Variants in SWT1 observed in about 807,000 individuals in gnomAD.
The protein encoded by SWT1 is transcriptional protein SWT1.
In SWT1, 33 loss-of-function variants were observed where a neutral mutation model predicts 107.3. That is an observed-to-expected ratio of 0.31 (90% CI 0.23 to 0.41). The LOEUF (loss-of-function observed/expected upper bound fraction) is 0.41. SWT1 is among the 10% of genes least tolerant of loss of function. The pLI is 1.00. For synonymous variants in SWT1, 345 were observed against 348.3 expected (o/e 0.99, Z 0.11); for missense variants, 898 against 1,028.9 (o/e 0.87, Z 1.74).
chr1:185,259,981 G>A (rs1662908175), intron 16 of SWT1, among the ~76,000 whole-genome samples: 1 of 152,152 alleles, frequency 6.6e-6, no homozygotes. Context: ...CTTAGGGTGG[G>A]TATTAATCTA....
intron 16 of SWT1, among the ~76,000 whole-genome samples, chr1:185,270,409 A>G (rs1481663636): frequency 6.6e-6 from 1 of 151,550 alleles, no homozygotes; most frequent in African/African-American, 2.4e-5. Flanking sequence ...TCTTCCCTTC[A>G]TTATTTTTAT....
intron 2 of SWT1, 24 bp from the exon 3 acceptor site, chr1:185,166,548 T>C: frequency 6.7e-7 from 1 of 1,494,580 alleles, no homozygotes; most frequent in African/African-American, 1.4e-5. Flanking sequence ...TTTTTAAAAT[T>C]CATTTTCTTT....
Position 185,184,254 on chromosome 1 carries a change from T to A in SWT1, c.1150T>A (p.Ser384Thr), listed in dbSNP as rs1411514704. The change falls in exon 8 of 19, where the codon TCA (serine) becomes ACA (threonine). Residue 384 changes from serine (S) to threonine (T), a missense_variant. By Grantham distance (58) the Ser-to-Thr change is moderately conservative (BLOSUM62 1). Around this residue, in one of 6 missense-constraint regions of SWT1, gnomAD observed 94 missense variants for 114.5 expected, o/e 0.82. Transcript: ENST00000367500. ...DVHSSSANNT[S>T]DRKLLIVIDT... ...CTCTTTTTCTTTAGCAAATAATACT[T>A]CAGACAGAAAGCTTCTAATTGTTAT... 1.3e-6 allele frequency: 2 copies of A among 1,534,564 alleles called. No homozygotes were observed. The highest frequency in any genetic ancestry group is 1.8e-6 in the Non-Finnish European group (2 of 1,124,854).
intron 10 of SWT1, among the ~76,000 whole-genome samples, chr1:185,192,637 T>C (rs956738403): frequency 1.5e-4 from 22 of 151,600 alleles, no homozygotes; most frequent in African/African-American, 5.3e-4. Flanking sequence ...AGAACACGTC[T>C]GTAACGCCTC....
intron 18 of SWT1, among the ~76,000 whole-genome samples, chr1:185,284,889 C>CTT (rs111492496): frequency 3.5e-5 from 5 of 142,064 alleles, no homozygotes; most frequent in African/African-American, 7.7e-5. Flanking sequence ...AGATAAGTGT[C>CTT]TTTTTTTTTT....
intron 2 of SWT1, among the ~76,000 whole-genome samples, chr1:185,162,617 C>A (rs1313424070): frequency 1.3e-5 from 2 of 152,116 alleles, no homozygotes; most frequent in East Asian, 3.9e-4. Context: ...TCTACCTGCA[C>A]CTATCAGCAA....
chr1:185,271,603 T>C (rs1214218144), intron 17 of SWT1, among the ~76,000 whole-genome samples: 1 of 152,234 alleles, frequency 6.6e-6, no homozygotes, highest in African/African-American at 2.4e-5. Context: ...GGTGTTTTGA[T>C]ATGTTATACA....
intron 15 of SWT1, among the ~76,000 whole-genome samples, chr1:185,230,229 T>C (rs906813184): frequency 1.3e-5 from 2 of 152,230 alleles, no homozygotes; most frequent in Admixed American, 1.3e-4. Context: ...TCTTGTTTTT[T>C]AGGAATGTAA....
chr1:185,174,181 T>C (rs569021122), intron 4 of SWT1, among the ~76,000 whole-genome samples, 191 bp from the exon 5 acceptor site: 8 of 152,330 alleles, frequency 5.3e-5, no homozygotes, highest in Admixed American at 5.2e-4. Context: ...TTGTAATTTT[T>C]TTTTCCAAAT....
In SWT1 at chr1:185,259,586, A is replaced by C. The variant is rs532933300; in HGVS notation, c.2442-11737A>C. Among the ~76,000 whole-genome samples, 12 of 152,192 alleles carry C rather than the reference A, an allele frequency of 7.9e-5. No homozygotes were observed. In the East Asian group the frequency reaches 2.1e-3, roughly 27 times the overall value. ...TGTCAACTGAATCAAAATATTTATA[A>C]ATTGAGTGACTCCTAGAGGGAAATT... On this transcript the variant is annotated intron_variant, in intron 16 of 18. Transcript: ENST00000367500.
chr1:185,205,630 T>C (rs889066209), intron 12 of SWT1, among the ~76,000 whole-genome samples: 1 of 152,018 alleles, frequency 6.6e-6, no homozygotes, highest in African/African-American at 2.4e-5. Flanking sequence ...CAGCCTCCCA[T>C]AGTGCTGGGA....
intron 1 of SWT1, among the ~76,000 whole-genome samples, chr1:185,159,164 T>C (rs1171129403): frequency 6.6e-6 from 1 of 152,216 alleles, no homozygotes; most frequent in Non-Finnish European, 1.5e-5. Context: ...GTAGCAGTAA[T>C]ATCTTATTGA....
At position 185,174,805 on chromosome 1, in the gene SWT1, A is replaced by T; in HGVS notation, c.658A>T (p.Ile220Leu). Reference sequence around the variant, plus strand: ...TTCTCAGGATTATAACTCCAACAAGATAATTAAGGAACCCTTGGGATCTAG... The same window carrying T: ...TTCTCAGGATTATAACTCCAACAAGTTAATTAAGGAACCCTTGGGATCTAG... The part of the protein sequence containing the change: ...QFSQDYNSNK[I>L]IKEPLGSRRQ... Residue 220 changes from isoleucine to leucine, a missense_variant, in exon 5 of 19, where the codon ATA becomes TTA. Ile to Leu is a conservative substitution (Grantham distance 5). Around this residue, in one of 6 missense-constraint regions of SWT1, gnomAD observed 382 missense variants for 362.4 expected, o/e 1.05. Coordinates refer to ENST00000367500, the MANE Select transcript of SWT1 (RefSeq NM_017673.7). 1.2e-6 allele frequency: 2 copies of T among 1,612,564 alleles called. No homozygotes were observed. Among genetic ancestry groups the T allele is most frequent in the Non-Finnish European group, 1.7e-6 (2 of 1,179,658 alleles).
intron 16 of SWT1, among the ~76,000 whole-genome samples, chr1:185,249,295 A>G (rs1410645506): frequency 6.6e-6 from 1 of 151,966 alleles, no homozygotes; most frequent in African/African-American, 2.4e-5. Flanking sequence ...CATTTCCCCT[A>G]CAGTCACAGA....
chr1:185,174,091 AATT>A (rs1655330314), intron 4 of SWT1, among the ~76,000 whole-genome samples: 1 of 152,162 alleles, frequency 6.6e-6, no homozygotes, highest in South Asian at 2.1e-4. Context: ...TGAAGCACAA[AATT>A]ATTATGATAA....
chr1:185,167,330 T>C (rs1242745818), intron 3 of SWT1, among the ~76,000 whole-genome samples: 1 of 152,198 alleles, frequency 6.6e-6, no homozygotes, highest in Non-Finnish European at 1.5e-5. Flanking sequence ...GTCATACAAA[T>C]AGTTAGAAAC....
chr1:185,285,600 C>T (rs1397315450), intron 18 of SWT1, among the ~76,000 whole-genome samples: 2 of 152,112 alleles, frequency 1.3e-5, no homozygotes, highest in Non-Finnish European at 2.9e-5. Context: ...ACCTAAGAAT[C>T]CATTGCCAAA....
At chr1:185,268,922 G>T (rs759024407) in intron 16 of SWT1, among the ~76,000 whole-genome samples, 1 of 145,274 alleles carries the variant, frequency 6.9e-6, no homozygotes, top group Non-Finnish European at 1.5e-5. Flanking sequence ...GCGCGATCTC[G>T]CCTCACTGCA....
At chr1:185,228,603 A>T in intron 15 of SWT1, among the ~76,000 whole-genome samples, 1 of 152,204 alleles carries the variant, frequency 6.6e-6, no homozygotes, top group East Asian at 1.9e-4. Flanking sequence ...AGTGTCTGTA[A>T]AAGTCTAGAA....
Sources: gnomAD v4.1 joint callset for allele counts (sites outside exome capture counted in the v4.1 genomes callset) on GRCh38, gnomAD v4.1.1 for gene constraint, gnomAD v4.1.1 regional missense constraint, MANE v1.5 for transcripts, NCBI Gene and HGNC (gene_info 2026-07-23, HGNC 2026-07-21) for gene names.